Variants in CCDC68 observed in about 807,000 individuals in gnomAD.
The protein encoded by CCDC68 is coiled-coil domain-containing protein 68.
A neutral mutation model predicts 47.1 loss-of-function variants in CCDC68; 45 were observed. The observed-to-expected ratio is 0.96, with a 90% CI of 0.75 to 1.23. The LOEUF is 1.23. CCDC68 is among the 50% of genes most tolerant of loss of function. The pLI is 0.00. For synonymous variants in CCDC68, 131 were observed against 129.5 expected, an observed-to-expected ratio of 1.01 and a Z score of -0.08; for missense variants, 353 against 373.6, an observed-to-expected ratio of 0.94 and a Z score of 0.45.
chr18:54,909,502 C>A (rs1284807840), intron 10 of CCDC68, among the ~76,000 whole-genome samples: 2 of 151,454 alleles, frequency 1.3e-5, no homozygotes, highest in South Asian at 4.2e-4. Context: ...GCCAGTGGCG[C>A]CTTTGCCAGA....
chr18:54,925,079 C>T (rs1042965052), intron 8 of CCDC68, among the ~76,000 whole-genome samples: 5 of 152,210 alleles, frequency 3.3e-5, no homozygotes, highest in East Asian at 1.9e-4. Context: ...ACTGAATGAT[C>T]GCAAACACCT....
At chr18:54,915,152 T>A (rs1317295789) in intron 10 of CCDC68, among the ~76,000 whole-genome samples, 1 of 152,192 alleles carries the variant, frequency 6.6e-6, no homozygotes, top group Admixed American at 6.5e-5. Flanking sequence ...ATTACAGATG[T>A]ACAATAATTA....
At chr18:54,913,241 C>G (rs561509334) in intron 10 of CCDC68, among the ~76,000 whole-genome samples, 2 of 152,124 alleles carry the variant, frequency 1.3e-5, no homozygotes, top group South Asian at 4.1e-4. Flanking sequence ...AAACAAAATA[C>G]GTAGCATGAC....
chr18:54,920,451 G>C (rs1385358438), intron 8 of CCDC68, among the ~76,000 whole-genome samples: 1 of 152,012 alleles, frequency 6.6e-6, no homozygotes, highest in Non-Finnish European at 1.5e-5. Flanking sequence ...ATGTTGGCGA[G>C]GCTGGTCTTG....
chr18:54,918,915 G>T (rs1221100954), intron 9 of CCDC68, among the ~76,000 whole-genome samples: 1 of 152,086 alleles, frequency 6.6e-6, no homozygotes, highest in Non-Finnish European at 1.5e-5. Flanking sequence ...TAAATTATGA[G>T]GTTATGAAAA....
At chr18:54,919,204 C>A (rs780910618) in intron 9 of CCDC68, 67 bp downstream of exon 9, 1 of 1,219,864 alleles carries the variant, frequency 8.2e-7, no homozygotes. Context: ...CCAGTCAAGC[C>A]ACTCGTATTT....
rs201155377 is a variant in CCDC68, at chr18:54,930,589, C to CCCTTCCTTCCTTCCTTCCTT, written c.601-1727_601-1708dup. Among the ~76,000 whole-genome samples the CCCTTCCTTCCTTCCTTCCTT allele has an allele frequency of 2.3e-4, 24 of 103,138 alleles. 2 individuals are homozygous for CCCTTCCTTCCTTCCTTCCTT. Among genetic ancestry groups the CCCTTCCTTCCTTCCTTCCTT allele is most frequent in the African/African-American group, 8.4e-4 (20 of 23,910 alleles). 67.7% of individuals were successfully genotyped at this position (103,138 alleles called of 152,430 possible). ...TTCTGAAGGATCACAGATACTCACT[C>CCCTTCCTTCCTTCCTTCCTT]CCTTCCTTCCTTCCTTCCTTCCTTC... is the stretch of plus-strand genomic sequence containing the variant. On this transcript the variant is annotated intron_variant, in intron 7 of 11. Transcript: ENST00000591504.
chr18:54,911,018 G>C (rs1168508245), intron 10 of CCDC68, among the ~76,000 whole-genome samples: 1 of 152,218 alleles, frequency 6.6e-6, no homozygotes, highest in Non-Finnish European at 1.5e-5. Flanking sequence ...GGCTCTTGTG[G>C]GCTCCATGGA....
intron 4 of CCDC68, 33 bp from the exon 5 acceptor site, chr18:54,938,130 C>G: frequency 6.3e-7 from 1 of 1,579,566 alleles, no homozygotes; most frequent in Non-Finnish European, 8.6e-7. Flanking sequence ...ATAGACCTGA[C>G]TATCTTTTCC....
At chr18:54,928,500 C>T (rs949237233) in intron 8 of CCDC68, among the ~76,000 whole-genome samples, 1 of 152,076 alleles carries the variant, frequency 6.6e-6, no homozygotes, top group Non-Finnish European at 1.5e-5. Flanking sequence ...AATGGTAAAC[C>T]AGGAGGTGCC....
At chr18:54,954,407 A>T (rs1409189575) in intron 1 of CCDC68, 1 of 151,990 alleles carries the variant, frequency 6.6e-6, no homozygotes, top group East Asian at 1.9e-4. Context: ...CACCATGAAG[A>T]CGTTTGACTT....
At chr18:54,940,586 T>G (rs981683211) in intron 4 of CCDC68, among the ~76,000 whole-genome samples, 1 of 152,214 alleles carries the variant, frequency 6.6e-6, no homozygotes, top group South Asian at 2.1e-4. Flanking sequence ...ACAGCTGATG[T>G]TGGGGAAGGG....
chr18:54,935,160 C>A (rs913614443), intron 6 of CCDC68, among the ~76,000 whole-genome samples: 3 of 152,148 alleles, frequency 2.0e-5, no homozygotes, highest in Non-Finnish European at 1.5e-5. Context: ...AAATATTCTT[C>A]CTAGAATGTT....
chr18:54,922,221 CTG>C (rs1472493532), intron 8 of CCDC68, among the ~76,000 whole-genome samples: 1 of 152,110 alleles, frequency 6.6e-6, no homozygotes, highest in East Asian at 1.9e-4. Context: ...GCACGGGAGA[CTG>C]AGGAAATTTC....
At chr18:54,910,449 A>C (rs1914290671) in intron 10 of CCDC68, among the ~76,000 whole-genome samples, 1 of 152,180 alleles carries the variant, frequency 6.6e-6, no homozygotes, top group South Asian at 2.1e-4. Flanking sequence ...AGGGGAAGGA[A>C]GTATGTGCTG....
chr18:54,930,949 C>T (rs2044247463), intron 7 of CCDC68, among the ~76,000 whole-genome samples: 1 of 151,516 alleles, frequency 6.6e-6, no homozygotes, highest in Admixed American at 6.6e-5. Flanking sequence ...AACTCCTGAC[C>T]TCAGGTGATC....
At chr18:54,953,999 T>A (rs1214840900) in intron 1 of CCDC68, among the ~76,000 whole-genome samples, 1 of 11,722 alleles carries the variant, frequency 8.5e-5, no homozygotes, top group Non-Finnish European at 1.9e-4. Flanking sequence ...TCCCCTCCCT[T>A]CCCCTCCCCT....
chr18:54,956,081 C>T (rs1256494148), intron 1 of CCDC68, among the ~76,000 whole-genome samples: 2 of 151,938 alleles, frequency 1.3e-5, no homozygotes, highest in Admixed American at 6.6e-5. Context: ...CCTCTGCCTC[C>T]CTGGTTCAAG....
rs1341677473 is a variant in CCDC68, at chr18:54,940,997, C to CTTT, written c.201_203dup (p.Lys68dup). 1 of 1,597,234 alleles carries CTTT rather than the reference C, an allele frequency of 6.3e-7. No individual in the cohort carries two copies. Among genetic ancestry groups the CTTT allele is most frequent in the African/African-American group, 1.3e-5 (1 of 74,490 alleles). The stretch of plus-strand genomic sequence containing the variant: ...CTAATCTTCTGCAGGAAATTATTAC[C>CTTT]TTTGCATCTAGTTTGTGATTTGTAC... On this transcript the variant is annotated inframe_insertion and splice_region_variant, in exon 4 of 12. Coordinates refer to ENST00000591504, the MANE Select transcript of CCDC68 (RefSeq NM_025214.3).
Sources: gnomAD v4.1 joint callset for allele counts (sites outside exome capture counted in the v4.1 genomes callset) on GRCh38, gnomAD v4.1.1 for gene constraint, MANE v1.5 for transcripts, NCBI Gene and HGNC (gene_info 2026-07-23, HGNC 2026-07-21) for gene names.